The following COMMD9 variants were observed in gnomAD, a reference collection of about 807,000 sequenced individuals.
COMMD9 encodes the protein COMM domain containing 9, also known as COMM domain-containing protein 9.
In COMMD9, 22 loss-of-function variants were observed where a neutral mutation model predicts 23.4. The observed-to-expected ratio is 0.94, with a 90% CI of 0.67 to 1.34. The LOEUF is 1.34. Ranked by LOEUF, COMMD9 falls within the 40% of genes most tolerant of loss-of-function variation. COMMD9 has a pLI of 0.00. For missense variants in COMMD9, 231 were observed against 240.2 expected, an observed-to-expected ratio of 0.96 and a Z score of 0.25; for synonymous variants, 99 against 97.4, an observed-to-expected ratio of 1.02 and a Z score of -0.10.
At chr11:36,283,534 A>G (rs1321268566) in intron 1 of COMMD9, among the ~76,000 whole-genome samples, 2 of 152,204 alleles carry the variant, frequency 1.3e-5, no homozygotes, top group African/African-American at 4.8e-5. Flanking sequence ...GAATGTAGTA[A>G]TTAGGGCAAC....
chr11:36,272,696 G>C lies in COMMD9; in HGVS notation c.*1936C>G, dbSNP rs1855898114. 1 of 151,968 alleles carries C rather than the reference G, an allele frequency of 6.6e-6. No individual in the cohort carries two copies. The highest frequency in any genetic ancestry group is 1.5e-5 in the Non-Finnish European group (1 of 67,968). 9.4% of individuals were successfully genotyped at this position (151,968 alleles called of 1,614,324 possible). ...AAGAGCTTGGAATTTTTTTTCCCTT[G>C]ACCTTCCTCGTATCTCACTGGGTAG... On this transcript the variant is annotated 3_prime_UTR_variant, in exon 6 of 6. Transcript: ENST00000263401.
intron 1 of COMMD9, among the ~76,000 whole-genome samples, chr11:36,287,680 A>C (rs962349269): frequency 6.6e-6 from 1 of 152,092 alleles, no homozygotes; most frequent in African/African-American, 2.4e-5. Context: ...CTGCTACATA[A>C]TGGTGAGCAA....
rs1196732643 is a variant in COMMD9, at chr11:36,277,078, T to C, written c.352+11A>G. On this transcript the variant is annotated intron_variant, in intron 4 of 5. Coordinates refer to ENST00000263401, the MANE Select transcript of COMMD9 (RefSeq NM_014186.4). Reference sequence around the variant, plus strand: ...AAGTAAGAAGGGAGGGGCAGATTTATTGGTACTCACTCTGATTTGCCTGGG... The same window carrying C: ...AAGTAAGAAGGGAGGGGCAGATTTACTGGTACTCACTCTGATTTGCCTGGG... 2.5e-6 allele frequency: 4 copies of C among 1,602,680 alleles called. No individual in the cohort carries two copies. Among genetic ancestry groups the C allele is most frequent in the African/African-American group, 1.3e-5 (1 of 74,734 alleles).
At chr11:36,280,861 A>G (rs775178084) in intron 1 of COMMD9, 24 bp from the exon 2 acceptor site, 3 of 1,011,350 alleles carry the variant, frequency 3.0e-6, no homozygotes, top group Non-Finnish European at 4.0e-6. Flanking sequence ...CACAGATAGG[A>G]AAAAAAAAAA....
At position 36,273,881 on chromosome 11, in the gene COMMD9, T is replaced by C. The variant is rs185733066; in HGVS notation, c.*751A>G. Reference sequence around the variant, plus strand: ...AAGGGCTTAGCTGGGAATTAGGAAGTTGGGATCATCTTTAAAAACTAGAGA... The same window carrying C: ...AAGGGCTTAGCTGGGAATTAGGAAGCTGGGATCATCTTTAAAAACTAGAGA... On this transcript the variant is annotated 3_prime_UTR_variant, in exon 6 of 6. Coordinates refer to ENST00000263401, the MANE Select transcript of COMMD9 (RefSeq NM_014186.4). 3 of 167,150 alleles carry C rather than the reference T, an allele frequency of 1.8e-5. No individual in the cohort carries two copies. Among genetic ancestry groups the C allele is most frequent in the Non-Finnish European group, 3.9e-5 (3 of 76,328 alleles). The allele number at this position is 167,150 out of a possible 1,614,324, so 10.4% of individuals were successfully genotyped here.
At position 36,274,745 on chromosome 11, in the gene COMMD9, C is replaced by A; in HGVS notation, c.484G>T (p.Asp162Tyr). The A allele has an allele frequency of 6.2e-7, 1 of 1,614,272 alleles. No homozygotes were observed. Among genetic ancestry groups the A allele is most frequent in the Middle Eastern group, 1.6e-4 (1 of 6,062 alleles). The change falls in exon 6 of 6, where the codon GAC (aspartate) becomes TAC (tyrosine). Residue 162 changes from aspartate to tyrosine, a missense_variant. By Grantham distance (160) the Asp-to-Tyr change is radical. Coordinates refer to ENST00000263401, the MANE Select transcript of COMMD9 (RefSeq NM_014186.4). Reference sequence around the variant, plus strand: ...GTGACAGCTGAGATGGAGGGTTTGTCTCCGCATAGGCTGGGATCTTCTTGG... The same window carrying A: ...GTGACAGCTGAGATGGAGGGTTTGTATCCGCATAGGCTGGGATCTTCTTGG... ...KIQEDPSLCG[D>Y]KPSISAVTVE...
At chr11:36,279,586 T>G (rs577860952) in intron 2 of COMMD9, among the ~76,000 whole-genome samples, 9 of 152,302 alleles carry the variant, frequency 5.9e-5, no homozygotes, top group Non-Finnish European at 1.3e-4. Flanking sequence ...CTTGGTTTCT[T>G]ACAGGATCCC....
At position 36,272,706 on chromosome 11, in the gene COMMD9, G is replaced by A. The variant is rs746791879; in HGVS notation, c.*1926C>T. 6.6e-6 allele frequency: 1 copy of A among 152,074 alleles called. No individual in the cohort carries two copies. Among genetic ancestry groups the A allele is most frequent in the African/African-American group, 2.4e-5 (1 of 41,384 alleles). 9.4% of individuals were successfully genotyped at this position (152,074 alleles called of 1,614,324 possible). ...AATTTTTTTTCCCTTGACCTTCCTCGTATCTCACTGGGTAGGCAGACGTAA... is the reference window on the plus strand; with the variant it reads ...AATTTTTTTTCCCTTGACCTTCCTCATATCTCACTGGGTAGGCAGACGTAA... On this transcript the variant is annotated 3_prime_UTR_variant, in exon 6 of 6. Transcript: ENST00000263401.
intron 2 of COMMD9, 43 bp from the exon 3 acceptor site, chr11:36,278,659 C>G: frequency 6.2e-7 from 1 of 1,604,008 alleles, no homozygotes. Context: ...ACAGAAGCAG[C>G]AGGCAGGGGG....
chr11:36,275,001 G>T (rs1385730312), intron 5 of COMMD9, among the ~76,000 whole-genome samples: 1 of 152,168 alleles, frequency 6.6e-6, no homozygotes, highest in Admixed American at 6.5e-5. Flanking sequence ...GCCTTGGGTA[G>T]GTATCAAAGA....
intron 2 of COMMD9, 147 bp downstream of exon 2, chr11:36,280,565 C>T: frequency 1.4e-6 from 1 of 718,646 alleles, no homozygotes; most frequent in South Asian, 2.9e-5. Context: ...GGGTACAGTT[C>T]TCCCATTCAT....
rs1855925447 is a variant in COMMD9, at chr11:36,274,041, C to T, written c.*591G>A. The T allele has an allele frequency of 3.7e-6, 1 of 272,576 alleles. No homozygotes were observed. The allele number at this position is 272,576 out of a possible 1,614,324, so 16.9% of individuals were successfully genotyped here. A position where few individuals can be genotyped will look rare whatever the true frequency, so the allele number is the denominator to read the frequency against. ...GCTGCATTAGATGAAGGAAGAGGGC[C>T]CTGGTTTCATGAAGAAGGGAATTAG... is the stretch of plus-strand genomic sequence containing the variant. On this transcript the variant is annotated 3_prime_UTR_variant, in exon 6 of 6. Coordinates refer to ENST00000263401, the MANE Select transcript of COMMD9 (RefSeq NM_014186.4).
At chr11:36,286,434 G>GA (rs1217773767) in intron 1 of COMMD9, among the ~76,000 whole-genome samples, 4 of 76,018 alleles carry the variant, frequency 5.3e-5, no homozygotes, top group Admixed American at 2.7e-4. Flanking sequence ...AAGAAAGAAA[G>GA]AAAAGAAAAA....
At chr11:36,287,074 C>T (rs11033529) in intron 1 of COMMD9, among the ~76,000 whole-genome samples, 52,917 of 55,714 alleles carry the variant, frequency 0.95, 25,246 homozygotes, top group Middle Eastern at 1. Flanking sequence ...ATGTATATCG[C>T]GTAGTATGTA....
chr11:36,278,855 G>C (rs1252271464), intron 2 of COMMD9, among the ~76,000 whole-genome samples: 1 of 152,226 alleles, frequency 6.6e-6, no homozygotes, highest in African/African-American at 2.4e-5. Flanking sequence ...GAAGCTGACA[G>C]CTTGTCAGAA....
At chr11:36,285,433 A>G (rs1468808480) in intron 1 of COMMD9, among the ~76,000 whole-genome samples, 1 of 152,132 alleles carries the variant, frequency 6.6e-6, no homozygotes, top group Non-Finnish European at 1.5e-5. Flanking sequence ...CATTTAAAAA[A>G]AGAATGAACT....
chr11:36,278,636 AC>A lies in COMMD9; in HGVS notation c.178-21del. The A allele has an allele frequency of 6.2e-7, 1 of 1,610,598 alleles. No individual in the cohort carries two copies. Among genetic ancestry groups the A allele is most frequent in the Non-Finnish European group, 8.5e-7 (1 of 1,178,608 alleles). On this transcript the variant is annotated intron_variant, in intron 2 of 5. Coordinates refer to ENST00000263401, the MANE Select transcript of COMMD9 (RefSeq NM_014186.4). ...GAGCAGCTGCAAGATAAACGGAACCACCTGTAGCTGTAACAGAAGCAGCAGG... is the reference window on the plus strand; with the variant it reads ...GAGCAGCTGCAAGATAAACGGAACCACTGTAGCTGTAACAGAAGCAGCAGG...
intron 1 of COMMD9, among the ~76,000 whole-genome samples, chr11:36,288,724 C>T (rs1856215090): frequency 6.6e-6 from 1 of 152,038 alleles, no homozygotes; most frequent in African/African-American, 2.4e-5. Context: ...TGCTTGAACT[C>T]GGGGGGCGGA....
At chr11:36,285,847 T>TA in intron 1 of COMMD9, among the ~76,000 whole-genome samples, 1 of 152,264 alleles carries the variant, frequency 6.6e-6, no homozygotes, top group Admixed American at 6.5e-5. Context: ...CCATTATTGA[T>TA]AAAAGCCCTG....
Sources: gnomAD v4.1 joint callset for allele counts (sites outside exome capture counted in the v4.1 genomes callset) on GRCh38, gnomAD v4.1.1 for gene constraint, MANE v1.5 for transcripts, NCBI Gene and HGNC (gene_info 2026-07-23, HGNC 2026-07-21) for gene names.